Variants in DCUN1D4 observed in about 807,000 individuals in gnomAD.
The protein encoded by DCUN1D4 is defective in cullin neddylation 1 domain containing 4, also known as DCN1-like protein 4.
A neutral mutation model predicts 47.9 loss-of-function variants in DCUN1D4; 22 were observed. That is an observed-to-expected ratio of 0.46 (90% CI 0.33 to 0.66). The LOEUF (loss-of-function observed/expected upper bound fraction) is 0.66, where lower values mean the gene tolerates loss of function less well. Ranked by LOEUF, DCUN1D4 falls within the 30% of genes least tolerant of loss-of-function variation. The pLI is 0.02. For missense variants in DCUN1D4, 301 were observed against 340.8 expected, an observed-to-expected ratio of 0.88 and a Z score of 0.92; for synonymous variants, 121 against 112.2, an observed-to-expected ratio of 1.08 and a Z score of -0.50.
At chr4:51,898,048 G>T (rs939598450) in intron 7 of DCUN1D4, among the ~76,000 whole-genome samples, 16 of 152,332 alleles carry the variant, frequency 1.1e-4, no homozygotes, top group African/African-American at 3.8e-4. Context: ...TAACCATTGT[G>T]TGTTGTCAGG....
intron 1 of DCUN1D4, chr4:51,844,967 GC>G (rs1722290810): frequency 2.0e-6 from 2 of 985,268 alleles, no homozygotes; most frequent in Non-Finnish European, 2.4e-6. Flanking sequence ...CGACTCCCCA[GC>G]CCTTCTCCCT....
At chr4:51,855,475 G>A (rs1723993026) in intron 1 of DCUN1D4, among the ~76,000 whole-genome samples, 1 of 152,198 alleles carries the variant, frequency 6.6e-6, no homozygotes, top group Non-Finnish European at 1.5e-5. Flanking sequence ...GCATAAAGAA[G>A]TTAGATGAGA....
intron 1 of DCUN1D4, among the ~76,000 whole-genome samples, chr4:51,856,317 AAC>A (rs1724131028): frequency 6.6e-6 from 1 of 152,212 alleles, no homozygotes; most frequent in African/African-American, 2.4e-5. Context: ...TTAATAATAA[AAC>A]ACTTTGATGA....
chr4:51,900,787 A>G (rs780783111), intron 8 of DCUN1D4, among the ~76,000 whole-genome samples: 6 of 151,862 alleles, frequency 4.0e-5, no homozygotes, highest in Non-Finnish European at 8.8e-5. Context: ...TTTTCCTCCC[A>G]AAGTCAGCTG....
chr4:51,855,857 G>A (rs901311420), intron 1 of DCUN1D4, among the ~76,000 whole-genome samples: 15 of 152,110 alleles, frequency 9.9e-5, no homozygotes, highest in African/African-American at 3.6e-4. Context: ...TGGAAAAGAG[G>A]GCATGTGTTT....
At chr4:51,847,575 C>G (rs1722747335) in intron 1 of DCUN1D4, among the ~76,000 whole-genome samples, 1 of 152,010 alleles carries the variant, frequency 6.6e-6, no homozygotes, top group Admixed American at 6.6e-5. Flanking sequence ...TCTGAGACAG[C>G]CTTTCTTACA....
intron 1 of DCUN1D4, among the ~76,000 whole-genome samples, chr4:51,858,839 T>C (rs1475442773): frequency 1.3e-5 from 2 of 152,248 alleles, no homozygotes; most frequent in South Asian, 2.1e-4. Context: ...ACGTATTGTT[T>C]ATGGCTGCTT....
intron 5 of DCUN1D4, among the ~76,000 whole-genome samples, chr4:51,883,292 A>T (rs1200151725): frequency 6.6e-6 from 1 of 152,166 alleles, no homozygotes; most frequent in Non-Finnish European, 1.5e-5. Flanking sequence ...GTCCAGGAGG[A>T]TACTATCATG....
chr4:51,910,707 A>T (rs1194425340), intron 8 of DCUN1D4: 2 of 239,288 alleles, frequency 8.4e-6, no homozygotes, highest in African/African-American at 4.6e-5. Context: ...TATGGTCAAC[A>T]ATTAGGATTT....
intron 7 of DCUN1D4, among the ~76,000 whole-genome samples, chr4:51,893,671 C>A (rs1209550318): frequency 6.6e-5 from 10 of 152,338 alleles, no homozygotes; most frequent in Non-Finnish European, 1.2e-4. Context: ...ATCTGCCCGC[C>A]TCAGCCTCCC....
upstream of DCUN1D4, among the ~76,000 whole-genome samples, chr4:51,839,345 A>T (rs1462622300): frequency 6.6e-6 from 1 of 152,212 alleles, no homozygotes; most frequent in East Asian, 1.9e-4. Context: ...CTGGGTGGCA[A>T]GTTACCGAAG....
chr4:51,874,537 T>C, intron 4 of DCUN1D4, 152 bp downstream of exon 4: 1 of 491,614 alleles, frequency 2.0e-6, no homozygotes, highest in Admixed American at 3.8e-5. Context: ...TTTAATCATG[T>C]TTATTTTGTG....
intron 1 of DCUN1D4, among the ~76,000 whole-genome samples, chr4:51,844,193 A>C (rs980916927): frequency 6.7e-6 from 1 of 148,446 alleles, no homozygotes; most frequent in Middle Eastern, 3.3e-3. Context: ...TGTCACGTCC[A>C]GATTCGGTCC....
intron 7 of DCUN1D4, among the ~76,000 whole-genome samples, chr4:51,896,487 T>C (rs1251009847): frequency 2.0e-5 from 3 of 152,136 alleles, no homozygotes. Flanking sequence ...TGACCCTCTT[T>C]CCGGTGAAGA....
chr4:51,912,871 G>A (rs1332891684), intron 9 of DCUN1D4, among the ~76,000 whole-genome samples: 1 of 152,170 alleles, frequency 6.6e-6, no homozygotes, highest in Non-Finnish European at 1.5e-5. Context: ...TATATTAATG[G>A]GAGCTACTCT....
intron 1 of DCUN1D4, chr4:51,844,770 C>G (rs2109782192): frequency 1.1e-6 from 1 of 949,396 alleles, no homozygotes; most frequent in Non-Finnish European, 1.3e-6. Context: ...GCGGTCCCGC[C>G]GAATTCTGGG....
intron 5 of DCUN1D4, among the ~76,000 whole-genome samples, chr4:51,881,267 C>A (rs553908383): frequency 1.3e-5 from 2 of 152,278 alleles, no homozygotes; most frequent in East Asian, 3.9e-4. Context: ...AGCTCACATA[C>A]ATAGGTCATA....
At chr4:51,848,305 A>G (rs1006213767) in intron 1 of DCUN1D4, 6 of 1,288,670 alleles carry the variant, frequency 4.7e-6, no homozygotes, top group Non-Finnish European at 6.1e-6. Flanking sequence ...GAATGTGCAC[A>G]CGTCCGTTTC....
rs1320544727 is a variant in DCUN1D4 at position 51,916,615 on chromosome 4, G to A, written c.*3031G>A. 8 of 152,452 alleles carry A rather than the reference G, an allele frequency of 5.2e-5. No individual in the cohort carries two copies. Among genetic ancestry groups the A allele is most frequent in the Non-Finnish European group, 8.8e-5 (6 of 67,968 alleles). The allele number at this position is 152,452 out of a possible 1,614,324, so 9.4% of individuals were successfully genotyped here. A position where few individuals can be genotyped will look rare whatever the true frequency, so the allele number is the denominator to read the frequency against. On this transcript the variant is annotated 3_prime_UTR_variant, in exon 11 of 11. Transcript: ENST00000334635. ...TTTTTTCATAAAATAATTTCTATTG[G>A]GGGTTACTGTTCAATGACAGCAGGT...
Sources: gnomAD v4.1 joint callset for allele counts (sites outside exome capture counted in the v4.1 genomes callset) on GRCh38, gnomAD v4.1.1 for gene constraint, MANE v1.5 for transcripts, NCBI Gene and HGNC (gene_info 2026-07-23, HGNC 2026-07-21) for gene names.